The following UQCRC2 variants were observed in gnomAD, a reference collection of about 807,000 sequenced individuals.
UQCRC2 encodes the protein ubiquinol-cytochrome c reductase core protein 2.
UQCRC2 carries 49 observed loss-of-function variants against 55.6 expected under a neutral mutation model. The observed-to-expected ratio is 0.88, with a 90% CI of 0.70 to 1.12. The LOEUF is 1.12. Ranked by LOEUF, UQCRC2 falls within the 50% of genes most tolerant of loss-of-function variation. The pLI, the probability that UQCRC2 is intolerant of heterozygous loss-of-function variation, is 0.00. For synonymous variants in UQCRC2, 193 were observed against 192.0 expected, an observed-to-expected ratio of 1.01 and a Z score of -0.04; for missense variants, 506 against 547.8, an observed-to-expected ratio of 0.92 and a Z score of 0.76.
intron 7 of UQCRC2, among the ~76,000 whole-genome samples, chr16:21,966,053 C>G (rs968179991): frequency 8.6e-5 from 13 of 150,828 alleles, no homozygotes; most frequent in African/African-American, 2.7e-4. Flanking sequence ...GTGGCTCATG[C>G]GTGTAATCTC....
At chr16:21,977,030 T>C (rs1033123317) in intron 12 of UQCRC2, 2 of 152,144 alleles carry the variant, frequency 1.3e-5, no homozygotes, top group African/African-American at 4.8e-5. Flanking sequence ...AAAGACTCCA[T>C]GTTAGAGTGT....
intron 8 of UQCRC2, among the ~76,000 whole-genome samples, chr16:21,970,706 CTCCCGAGTAGCTG>C (rs1463713620): frequency 1.3e-5 from 2 of 152,158 alleles, no homozygotes; most frequent in Non-Finnish European, 2.9e-5. Flanking sequence ...CGGCCTCAGC[CTCCCGAGTAGCTG>C]GGATTACAGG....
chr16:21,953,562 T>C (rs1013922305), intron 1 of UQCRC2, 106 bp downstream of exon 1: 2 of 1,430,430 alleles, frequency 1.4e-6, no homozygotes, highest in Non-Finnish European at 1.9e-6. Context: ...GGATTCGGTC[T>C]GCCCTTCAGC....
chr16:21,953,587 C>A, intron 1 of UQCRC2, 131 bp downstream of exon 1: 3 of 1,191,396 alleles, frequency 2.5e-6, no homozygotes, highest in Non-Finnish European at 3.5e-6. Flanking sequence ...CCCTGCGGGC[C>A]AAGTGGGCTG....
chr16:21,965,280 T>C, intron 6 of UQCRC2, 128 bp from the exon 7 acceptor site: 1 of 724,830 alleles, frequency 1.4e-6, no homozygotes, highest in Non-Finnish European at 2.3e-6. Flanking sequence ...TAATAAATTT[T>C]AAGTCCTCTT....
intron 6 of UQCRC2, among the ~76,000 whole-genome samples, chr16:21,964,801 A>G (rs775732458): frequency 7.9e-5 from 12 of 152,188 alleles, no homozygotes; most frequent in Non-Finnish European, 1.3e-4. Flanking sequence ...CAGGCATTGT[A>G]TGTTCCACAT....
chr16:21,978,575 T>C (rs1409789326), intron 12 of UQCRC2, among the ~76,000 whole-genome samples: 5 of 152,096 alleles, frequency 3.3e-5, no homozygotes, highest in Non-Finnish European at 7.4e-5. Context: ...GAGGCAGGAG[T>C]TGCTTCACTA....
intron 13 of UQCRC2, among the ~76,000 whole-genome samples, chr16:21,980,965 G>A (rs1898710763): frequency 6.6e-6 from 1 of 152,092 alleles, no homozygotes; most frequent in South Asian, 2.1e-4. Flanking sequence ...CCACTGAGAT[G>A]GCAGTCAAAA....
intron 10 of UQCRC2, 52 bp from the exon 11 acceptor site, chr16:21,973,844 G>A (rs554981152): frequency 6.5e-7 from 1 of 1,533,736 alleles, no homozygotes; most frequent in Admixed American, 1.9e-5. Flanking sequence ...AAGAAATCGT[G>A]CCCTGTTTTA....
At chr16:21,981,941 C>T (rs1180204484) in intron 13 of UQCRC2, among the ~76,000 whole-genome samples, 3 of 150,766 alleles carry the variant, frequency 2.0e-5, no homozygotes, top group Non-Finnish European at 4.4e-5. Flanking sequence ...CCCGGGTTCA[C>T]GCCATTTTCC....
At chr16:21,953,964 G>A (rs1277153178) in intron 1 of UQCRC2, among the ~76,000 whole-genome samples, 1 of 152,132 alleles carries the variant, frequency 6.6e-6, no homozygotes, top group Non-Finnish European at 1.5e-5. Flanking sequence ...GTAGTCTAAC[G>A]TTGCTTTTCT....
intron 1 of UQCRC2, among the ~76,000 whole-genome samples, chr16:21,956,781 G>C (rs578197198): frequency 1.3e-5 from 2 of 152,266 alleles, no homozygotes; most frequent in South Asian, 4.1e-4. Context: ...TATGCAGCTA[G>C]GCGGGGTGCA....
rs781734076 is a variant in UQCRC2, at chr16:21,980,640, C to T, written c.1218C>T (p.Tyr406=). 1.2e-6 allele frequency: 2 copies of T among 1,614,198 alleles called. No individual in the cohort carries two copies. Among genetic ancestry groups the T allele is most frequent in the South Asian group, 1.1e-5 (1 of 91,084 alleles). ...VGSQALVAGS[Y]MPPSTVLQQI... ...CCCAGGCTCTAGTTGCTGGTTCTTACATGCCACCATCCACAGTCCTTCAGC... is the reference window on the plus strand; with the variant it reads ...CCCAGGCTCTAGTTGCTGGTTCTTATATGCCACCATCCACAGTCCTTCAGC... Residue 406 remains tyrosine (Y), a synonymous_variant, in exon 13 of 14, where the codon TAC becomes TAT. Coordinates refer to ENST00000268379, the MANE Select transcript of UQCRC2 (RefSeq NM_003366.4).
chr16:21,954,218 C>A (rs1898056170), intron 1 of UQCRC2, among the ~76,000 whole-genome samples: 1 of 152,140 alleles, frequency 6.6e-6, no homozygotes, highest in South Asian at 2.1e-4. Context: ...TATTTAGTTG[C>A]AACAACTTGT....
In UQCRC2 at chr16:21,976,200, A is replaced by T; in HGVS notation, c.1081A>T (p.Ile361Leu). 1 of 1,614,092 alleles carries T rather than the reference A, an allele frequency of 6.2e-7. No individual in the cohort carries two copies. The highest frequency in any genetic ancestry group is 8.5e-7 in the Non-Finnish European group (1 of 1,179,954). The change falls in exon 12 of 14, where the codon ATA becomes TTA. Residue 361 changes from isoleucine to leucine, a missense_variant. Physicochemically the swap from Ile to Leu is conservative, Grantham distance 5 (BLOSUM62 2). Transcript: ENST00000268379. Reference protein sequence around the residue: ...IKAAYNQVKTIAQGNLSNTDV... With the variant: ...IKAAYNQVKTLAQGNLSNTDV... Reference sequence around the variant, plus strand: ...GGCTGCCTATAATCAAGTAAAAACAATAGCTCAAGGAAACCTTTCCAACAC... The same window carrying T: ...GGCTGCCTATAATCAAGTAAAAACATTAGCTCAAGGAAACCTTTCCAACAC...
intron 12 of UQCRC2, chr16:21,980,326 A>G: frequency 2.0e-6 from 1 of 505,050 alleles, no homozygotes; most frequent in Non-Finnish European, 3.4e-6. Flanking sequence ...TCAATTGGAC[A>G]CTTTGGCAAC....
intron 7 of UQCRC2, among the ~76,000 whole-genome samples, chr16:21,966,016 T>G (rs1898316819): frequency 6.6e-6 from 1 of 151,980 alleles, no homozygotes; most frequent in Non-Finnish European, 1.5e-5. Context: ...TTTAAATGTT[T>G]AAGTATCATA....
At chr16:21,956,492 C>T (rs182367836) in intron 1 of UQCRC2, among the ~76,000 whole-genome samples, 9 of 151,950 alleles carry the variant, frequency 5.9e-5, no homozygotes, top group Non-Finnish European at 4.4e-5. Flanking sequence ...TGCAATGACC[C>T]GAGATCGCAC....
chr16:21,982,445 C>G (rs1176200620), intron 13 of UQCRC2, among the ~76,000 whole-genome samples: 3 of 152,172 alleles, frequency 2.0e-5, no homozygotes, highest in Non-Finnish European at 4.4e-5. Flanking sequence ...AAGTATATCC[C>G]TGCCTGAAGC....
Sources: gnomAD v4.1 joint callset for allele counts (sites outside exome capture counted in the v4.1 genomes callset) on GRCh38, gnomAD v4.1.1 for gene constraint, MANE v1.5 for transcripts, NCBI Gene and HGNC (gene_info 2026-07-23, HGNC 2026-07-21) for gene names.